The following RHOBTB2 variants were observed in gnomAD, a reference collection of about 807,000 sequenced individuals.
RHOBTB2 encodes rho-related BTB domain-containing protein 2.
RHOBTB2 carries 39 observed loss-of-function variants against 66.5 expected under a neutral mutation model. The ratio of observed to expected loss-of-function variants is 0.59; its 90% CI spans 0.45 to 0.77. The LOEUF (loss-of-function observed/expected upper bound fraction) is 0.77, where lower values mean the gene tolerates loss of function less well. Ranked by LOEUF, RHOBTB2 falls within the 30% of genes least tolerant of loss-of-function variation. The pLI is 0.00. For missense variants in RHOBTB2, 755 were observed against 999.1 expected (o/e 0.76, Z 3.29); for synonymous variants, 390 against 395.0 (o/e 0.99, Z 0.15).
upstream of RHOBTB2, among the ~76,000 whole-genome samples, chr8:22,994,844 C>A (rs1810505330): frequency 6.6e-6 from 1 of 152,240 alleles, no homozygotes; most frequent in African/African-American, 2.4e-5. Context: ...CGGCTCACTG[C>A]AACCTCTGCC....
At position 22,999,836 on chromosome 8, in the gene RHOBTB2, C is replaced by G. The variant is rs1253538276; in HGVS notation, c.-280C>G. On this transcript the variant is annotated 5_prime_UTR_variant, in exon 1 of 10. Transcript: ENST00000251822. Reference sequence around the variant, plus strand: ...CCGCCGTGACATTGGGCGCCTGGCGCGCGGGGCGATGCTGATCCGGAAGGG... The same window carrying G: ...CCGCCGTGACATTGGGCGCCTGGCGGGCGGGGCGATGCTGATCCGGAAGGG... 3.0e-6 allele frequency: 3 copies of G among 984,364 alleles called. No individual in the cohort carries two copies. The highest frequency in any genetic ancestry group is 3.6e-6 in the Non-Finnish European group (3 of 829,886). The allele number at this position is 984,364 out of a possible 1,614,324, so 61.0% of individuals were successfully genotyped here.
At chr8:22,991,170 A>G (rs1810416612) in intron 1 of RHOBTB2, among the ~76,000 whole-genome samples, 1 of 152,160 alleles carries the variant, frequency 6.6e-6, no homozygotes, top group Non-Finnish European at 1.5e-5. Context: ...GGAGAAGGCC[A>G]AAGCAATGCA....
chr8:22,951,807 GGATA>G, the RHOBTB2 span, among the ~76,000 whole-genome samples: 35 of 152,248 alleles, frequency 2.3e-4, no homozygotes, highest in Admixed American at 6.5e-4. Flanking sequence ...AGGTCACAGG[GGATA>G]TGATGTCTTA....
chr8:22,954,727 C>T, the RHOBTB2 span, among the ~76,000 whole-genome samples: 1 of 152,154 alleles, frequency 6.6e-6, no homozygotes, highest in African/African-American at 2.4e-5. Flanking sequence ...AGGAGAATAT[C>T]TTTAGTACCT....
chr8:23,004,399 C>T lies in RHOBTB2; in HGVS notation c.-10-26C>T. On this transcript the variant is annotated intron_variant, in intron 1 of 9. Transcript: ENST00000251822. The surrounding 1 kb of genome is among the most constrained non-coding windows in gnomAD (Gnocchi z 6.4). ...CGGCGAGCTGGCATGCCATGCCGTCCTGACCGCCTCCCTCCTCTCCCTCAG... is the reference window on the plus strand; with the variant it reads ...CGGCGAGCTGGCATGCCATGCCGTCTTGACCGCCTCCCTCCTCTCCCTCAG... The T allele has an allele frequency of 6.2e-7, 1 of 1,606,934 alleles. No homozygotes were observed. The highest frequency in any genetic ancestry group is 8.5e-7 in the Non-Finnish European group (1 of 1,173,754).
At chr8:22,988,076 C>T (rs937453900) in intron 1 of RHOBTB2, among the ~76,000 whole-genome samples, 2 of 152,066 alleles carry the variant, frequency 1.3e-5, no homozygotes, top group Non-Finnish European at 2.9e-5. Context: ...CCGCCTAGGC[C>T]CTCATGCCCA....
chr8:22,994,188 G>C (rs1474713265), intron 2 of RHOBTB2, among the ~76,000 whole-genome samples: 1 of 152,232 alleles, frequency 6.6e-6, no homozygotes, highest in African/African-American at 2.4e-5. Context: ...GTGAGGCCCA[G>C]AGAGGGAAGG....
At chr8:22,993,365 T>C (rs1810470849) in intron 2 of RHOBTB2, among the ~76,000 whole-genome samples, 1 of 152,084 alleles carries the variant, frequency 6.6e-6, no homozygotes, top group African/African-American at 2.4e-5. Flanking sequence ...AGGCCCTTAC[T>C]CTCCGTGCTG....
At chr8:23,010,164 T>C (rs1180959683) in intron 6 of RHOBTB2, among the ~76,000 whole-genome samples, 1 of 152,158 alleles carries the variant, frequency 6.6e-6, no homozygotes, top group Non-Finnish European at 1.5e-5. Context: ...TGGAAGAGTT[T>C]AGAAGCTGGA....
At chr8:22,967,551 C>A in the RHOBTB2 span, among the ~76,000 whole-genome samples, 1 of 135,590 alleles carries the variant, frequency 7.4e-6, no homozygotes, top group Non-Finnish European at 1.5e-5. Context: ...GGCAGAGAGC[C>A]GAGATCGTGC....
upstream of RHOBTB2, among the ~76,000 whole-genome samples, chr8:22,984,130 A>T (rs967593868): frequency 6.6e-6 from 1 of 152,234 alleles, no homozygotes; most frequent in African/African-American, 2.4e-5. Context: ...GAGTGCAAAA[A>T]AAAACAGTAC....
chr8:22,980,739 C>CT, the RHOBTB2 span, among the ~76,000 whole-genome samples: 858 of 152,278 alleles, frequency 5.6e-3, 3 homozygotes, highest in Non-Finnish European at 8.9e-3. Context: ...AAAAAACAAA[C>CT]TCTGTGGATA....
the RHOBTB2 span, among the ~76,000 whole-genome samples, chr8:22,959,888 G>A: frequency 3.3e-5 from 5 of 151,816 alleles, no homozygotes; most frequent in South Asian, 1.0e-3. Flanking sequence ...TGTTGGCCGG[G>A]TGTGGTGGCT....
intron 1 of RHOBTB2, among the ~76,000 whole-genome samples, chr8:23,001,085 C>T (rs1011388918): frequency 3.9e-5 from 6 of 152,074 alleles, no homozygotes; most frequent in African/African-American, 1.4e-4. Flanking sequence ...GTACAAAGAG[C>T]TGGGAGAGCG....
At chr8:22,998,724 C>CAAAAAAAAAAAAAA (rs555614764), upstream of RHOBTB2, among the ~76,000 whole-genome samples, 1 of 81,308 alleles carries the variant, frequency 1.2e-5, no homozygotes. Context: ...GAGGGAGACT[C>CAAAAAAAAAAAAAA]AAAAAAAAAA....
upstream of RHOBTB2, among the ~76,000 whole-genome samples, chr8:22,986,719 T>A (rs978844613): frequency 6.6e-6 from 1 of 152,116 alleles, no homozygotes; most frequent in East Asian, 1.9e-4. Flanking sequence ...GTCCTTAGCA[T>A]CCCAAATCAG....
At chr8:22,981,867 G>GC in the RHOBTB2 span, among the ~76,000 whole-genome samples, 1 of 151,964 alleles carries the variant, frequency 6.6e-6, no homozygotes, top group African/African-American at 2.4e-5. Flanking sequence ...AGCACCAGCT[G>GC]CAGTGGCGCC....
At chr8:22,973,435 T>C in the RHOBTB2 span, among the ~76,000 whole-genome samples, 1 of 151,828 alleles carries the variant, frequency 6.6e-6, no homozygotes, top group Non-Finnish European at 1.5e-5. Context: ...TCCTGGGCTA[T>C]GTTTCCCAGG....
chr8:23,014,693 A>T lies in RHOBTB2; in HGVS notation c.1775A>T (p.Gln592Leu). 1 of 1,613,876 alleles carries T rather than the reference A, an allele frequency of 6.2e-7. No individual in the cohort carries two copies. The highest frequency in any genetic ancestry group is 8.5e-7 in the Non-Finnish European group (1 of 1,179,768). The change falls in exon 8 of 10, where the codon CAG (glutamine) becomes CTG (leucine). Residue 592 changes from glutamine (Q) to leucine (L), a missense_variant. Around this residue, in one of 7 missense-constraint regions of RHOBTB2, gnomAD observed 353 missense variants for 458.2 expected, o/e 0.77. Coordinates refer to ENST00000251822, the MANE Select transcript of RHOBTB2 (RefSeq NM_015178.3). ...TTGGTGGCCGTGTGTGTTACAGAGCAGTACACAGTGACCGGGCTGATGGAA... is the reference window on the plus strand; with the variant it reads ...TTGGTGGCCGTGTGTGTTACAGAGCTGTACACAGTGACCGGGCTGATGGAA... ...CLPHLVALTE[Q>L]YTVTGLMEAT...
Sources: gnomAD v4.1 joint callset for allele counts (sites outside exome capture counted in the v4.1 genomes callset) on GRCh38, gnomAD v4.1.1 for gene constraint, gnomAD v4.1.1 regional missense constraint, Gnocchi (gnomAD v3.1) non-coding constraint, MANE v1.5 for transcripts, NCBI Gene and HGNC (gene_info 2026-07-23, HGNC 2026-07-21) for gene names.